Variants in EPHA5 observed in about 807,000 individuals in gnomAD.
The protein encoded by EPHA5 is EPH receptor A5.
In EPHA5, 60 loss-of-function variants were observed where a neutral mutation model predicts 105.0. That is an observed-to-expected ratio of 0.57 (90% CI 0.46 to 0.71). The LOEUF (loss-of-function observed/expected upper bound fraction) is 0.71, where lower values mean the gene tolerates loss of function less well. EPHA5 is among the 30% of genes least tolerant of loss of function. The pLI is 0.00. For missense variants in EPHA5, 1,218 were observed against 1,274.7 expected (o/e 0.96, Z 0.68); for synonymous variants, 513 against 449.1 (o/e 1.14, Z -1.80).
intron 3 of EPHA5, among the ~76,000 whole-genome samples, chr4:65,500,059 G>C (rs1732325038): frequency 1.3e-5 from 2 of 151,098 alleles, no homozygotes; most frequent in Non-Finnish European, 3.0e-5. Flanking sequence ...AACAAACAAT[G>C]ATAGAGGCAA....
chr4:65,386,910 T>C (rs1014104864), intron 8 of EPHA5, among the ~76,000 whole-genome samples: 18 of 151,748 alleles, frequency 1.2e-4, no homozygotes, highest in Admixed American at 4.6e-4. Flanking sequence ...AGTGAGAAAT[T>C]AGGGCAATTG....
intron 5 of EPHA5, among the ~76,000 whole-genome samples, chr4:65,439,908 A>G (rs1356034131): frequency 1.3e-5 from 2 of 152,140 alleles, no homozygotes; most frequent in African/African-American, 4.8e-5. Flanking sequence ...TGTTTGCATT[A>G]TGAAAGATTA....
chr4:65,339,154 G>A (rs1279017738), intron 14 of EPHA5, among the ~76,000 whole-genome samples: 1 of 151,888 alleles, frequency 6.6e-6, no homozygotes, highest in Non-Finnish European at 1.5e-5. Flanking sequence ...ACATAACTTA[G>A]CCCCCTATAT....
At chr4:65,388,307 T>A (rs374514910) in intron 8 of EPHA5, among the ~76,000 whole-genome samples, 5 of 151,730 alleles carry the variant, frequency 3.3e-5, no homozygotes, top group East Asian at 3.9e-4. Flanking sequence ...TAGCAGCATG[T>A]TTTATAATCC....
intron 3 of EPHA5, among the ~76,000 whole-genome samples, chr4:65,512,022 T>C (rs1733673722): frequency 6.6e-6 from 1 of 152,018 alleles, no homozygotes; most frequent in Non-Finnish European, 1.5e-5. Flanking sequence ...TATTCAGGAG[T>C]ATGTGTAAAA....
chr4:65,439,385 G>A (rs1725792003), intron 5 of EPHA5, among the ~76,000 whole-genome samples: 1 of 151,972 alleles, frequency 6.6e-6, no homozygotes, highest in South Asian at 2.1e-4. Context: ...CACAATCTTT[G>A]CTGAACTAAG....
At chr4:65,386,165 G>C (rs188229977) in intron 8 of EPHA5, among the ~76,000 whole-genome samples, 5 of 151,940 alleles carry the variant, frequency 3.3e-5, no homozygotes, top group Admixed American at 1.3e-4. Flanking sequence ...TCTGTGAAGT[G>C]CTACAATCCC....
At chr4:65,644,240 A>G (rs1035357673) in intron 1 of EPHA5, among the ~76,000 whole-genome samples, 4 of 151,912 alleles carry the variant, frequency 2.6e-5, no homozygotes, top group African/African-American at 4.8e-5. Context: ...ACACATACAC[A>G]CTCATACATA....
At chr4:65,447,844 A>G (rs1345257575) in intron 5 of EPHA5, among the ~76,000 whole-genome samples, 1 of 152,098 alleles carries the variant, frequency 6.6e-6, no homozygotes, top group African/African-American at 2.4e-5. Context: ...AATTTTTAAG[A>G]TAACCTAATA....
At chr4:65,367,167 A>T (rs189906914) in intron 9 of EPHA5, among the ~76,000 whole-genome samples, 190 bp downstream of exon 9, 1 of 151,792 alleles carries the variant, frequency 6.6e-6, no homozygotes, top group East Asian at 1.9e-4. Flanking sequence ...GCATTCAGCT[A>T]TTGCCTAAAG....
intron 16 of EPHA5, among the ~76,000 whole-genome samples, chr4:65,327,456 T>C (rs1025398264): frequency 6.6e-6 from 1 of 151,262 alleles, no homozygotes; most frequent in African/African-American, 2.4e-5. Flanking sequence ...GAAATGGAAT[T>C]ACAGAAACAA....
At chr4:65,466,970 A>G (rs554574150) in intron 5 of EPHA5, among the ~76,000 whole-genome samples, 1 of 152,274 alleles carries the variant, frequency 6.6e-6, no homozygotes, top group Admixed American at 6.5e-5. Context: ...AATTTCCCAC[A>G]TCTGGGAACA....
intron 3 of EPHA5, among the ~76,000 whole-genome samples, chr4:65,505,420 T>C (rs1578276746): frequency 2.0e-5 from 3 of 152,116 alleles, no homozygotes; most frequent in African/African-American, 7.2e-5. Flanking sequence ...AAGCATCCAC[T>C]GTCAAATGAG....
chr4:65,551,252 A>ATGTG (rs1224308815), intron 3 of EPHA5, among the ~76,000 whole-genome samples: 25 of 66,392 alleles, frequency 3.8e-4, no homozygotes, highest in African/African-American at 5.1e-4. Flanking sequence ...ATATATTTAT[A>ATGTG]TATGTGTGTG....
At chr4:65,436,121 G>A (rs549542618) in intron 5 of EPHA5, among the ~76,000 whole-genome samples, 19 of 151,922 alleles carry the variant, frequency 1.3e-4, no homozygotes, top group Non-Finnish European at 2.7e-4. Context: ...TTACTGATGA[G>A]AGTTGCTTAA....
At chr4:65,479,692 T>C (rs1297046384) in intron 5 of EPHA5, among the ~76,000 whole-genome samples, 1 of 152,070 alleles carries the variant, frequency 6.6e-6, no homozygotes, top group African/African-American at 2.4e-5. Context: ...TGTTACTGGG[T>C]GAGTTGATAT....
At chr4:65,348,695 TATAA>T (rs67063732) in intron 13 of EPHA5, among the ~76,000 whole-genome samples, 5,056 of 31,262 alleles carry the variant, frequency 0.16, 353 homozygotes, top group Middle Eastern at 0.31. Context: ...TATATATATA[TATAA>T]AATATATATG....
intron 2 of EPHA5, among the ~76,000 whole-genome samples, chr4:65,637,597 TAC>T (rs1553958762): frequency 1.5e-3 from 222 of 144,526 alleles, no homozygotes; most frequent in African/African-American, 5.2e-3. Flanking sequence ...TATATATATA[TAC>T]GTATATGCTA....
chr4:65,531,331 C>G (rs931613366), intron 3 of EPHA5, among the ~76,000 whole-genome samples: 2 of 152,160 alleles, frequency 1.3e-5, no homozygotes, highest in African/African-American at 4.8e-5. Flanking sequence ...GCCACCGCGC[C>G]CGGCCTTTTT....
Sources: gnomAD v4.1 joint callset for allele counts (sites outside exome capture counted in the v4.1 genomes callset) on GRCh38, gnomAD v4.1.1 for gene constraint, MANE v1.5 for transcripts, NCBI Gene and HGNC (gene_info 2026-07-23, HGNC 2026-07-21) for gene names.